The following SMIM31 variants were observed in gnomAD, a reference collection of about 807,000 sequenced individuals.
SMIM31 encodes human epithelial cell program regulator.
chr4:164,779,905 T>C (rs1238157280), intron 2 of SMIM31, among the ~76,000 whole-genome samples: 2 of 152,174 alleles, frequency 1.3e-5, no homozygotes, highest in African/African-American at 2.4e-5. Context: ...TTTTTTGGCA[T>C]GTCTTAGAAG....
intron 2 of SMIM31, among the ~76,000 whole-genome samples, chr4:164,770,905 C>T (rs1732792300): frequency 1.3e-5 from 2 of 152,098 alleles, no homozygotes; most frequent in Non-Finnish European, 2.9e-5. Flanking sequence ...ATGGTTACCA[C>T]ATGGTAACCA....
intron 1 of SMIM31, among the ~76,000 whole-genome samples, chr4:164,755,780 A>G (rs1732553614): frequency 1.3e-5 from 2 of 152,088 alleles, no homozygotes; most frequent in South Asian, 4.1e-4. Context: ...TAGCAATTAC[A>G]TCATCAACAA....
At chr4:164,761,051 T>C (rs189786501) in intron 1 of SMIM31, among the ~76,000 whole-genome samples, 2 of 152,212 alleles carry the variant, frequency 1.3e-5, no homozygotes, top group Admixed American at 6.5e-5. Flanking sequence ...CAATTGCCCA[T>C]CTATGATAAA....
At chr4:164,774,306 C>A (rs907104599) in intron 2 of SMIM31, among the ~76,000 whole-genome samples, 6 of 151,982 alleles carry the variant, frequency 3.9e-5, no homozygotes, top group Non-Finnish European at 8.8e-5. Flanking sequence ...CCACACAAAT[C>A]AATTGCAAGG....
chr4:164,799,077 A>G (rs1391974860), intron 2 of SMIM31, among the ~76,000 whole-genome samples: 1 of 151,774 alleles, frequency 6.6e-6, no homozygotes, highest in East Asian at 1.9e-4. Flanking sequence ...AGCTACTTAA[A>G]CCTCTTTTCT....
At chr4:164,780,679 A>G (rs1286495332) in intron 2 of SMIM31, among the ~76,000 whole-genome samples, 1 of 152,236 alleles carries the variant, frequency 6.6e-6, no homozygotes, top group Non-Finnish European at 1.5e-5. Flanking sequence ...ACTATTTTTG[A>G]AATCTCAGAA....
intron 2 of SMIM31, among the ~76,000 whole-genome samples, chr4:164,772,585 A>ATTT (rs755302201): frequency 3.0e-4 from 43 of 142,768 alleles, no homozygotes; most frequent in South Asian, 1.8e-3. Flanking sequence ...TTTTTATTTT[A>ATTT]TTTTTTTTTT....
At position 164,800,777 on chromosome 4, in the gene SMIM31, A is replaced by G. The variant is rs61488761; in HGVS notation, c.113-314A>G. Among the ~76,000 whole-genome samples the G allele has an allele frequency of 2.6e-5, 4 of 152,284 alleles. No homozygotes were observed. In the East Asian group the frequency reaches 7.7e-4, roughly 29 times the overall value. On this transcript the variant is annotated intron_variant, in intron 2 of 2. Coordinates refer to ENST00000507311, the MANE Select transcript of SMIM31 (RefSeq NM_001352885.1). ...TGCCATTAATTTTAACATCAATCTTAGTGCTCTTTCTGCTCATCATCTTAA... is the reference window on the plus strand; with the variant it reads ...TGCCATTAATTTTAACATCAATCTTGGTGCTCTTTCTGCTCATCATCTTAA...
chr4:164,771,428 A>G (rs912557232), intron 2 of SMIM31, among the ~76,000 whole-genome samples: 1 of 152,306 alleles, frequency 6.6e-6, no homozygotes, highest in East Asian at 1.9e-4. Flanking sequence ...TAGTGAGTTC[A>G]AGGCTGACGT....
intron 2 of SMIM31, among the ~76,000 whole-genome samples, chr4:164,780,299 T>TGA (rs1732931710): frequency 6.6e-6 from 1 of 152,022 alleles, no homozygotes; most frequent in African/African-American, 2.4e-5. Context: ...TGGTGGCGCA[T>TGA]GCCTGTAGTC....
At chr4:164,758,622 C>CTTTTTTTTTTTTTTTTTTT (rs779023276) in intron 1 of SMIM31, among the ~76,000 whole-genome samples, 1 of 105,390 alleles carries the variant, frequency 9.5e-6, no homozygotes, top group Non-Finnish European at 1.9e-5. Flanking sequence ...TGTAGTTTTC[C>CTTTTTTTTTTTTTTTTTTT]TTTTTTTGTT....
intron 1 of SMIM31, among the ~76,000 whole-genome samples, chr4:164,756,439 GT>G (rs1732562094): frequency 6.6e-6 from 1 of 151,912 alleles, no homozygotes; most frequent in Admixed American, 6.6e-5. Context: ...AGGTGTGGTG[GT>G]GGGCGCCTGT....
intron 2 of SMIM31, among the ~76,000 whole-genome samples, chr4:164,782,744 T>C (rs1160778181): frequency 6.7e-6 from 1 of 148,674 alleles, no homozygotes. Context: ...AATAAATTAA[T>C]ATAGAAATGA....
chr4:164,788,917 A>G (rs1733064917), intron 2 of SMIM31, among the ~76,000 whole-genome samples: 1 of 152,232 alleles, frequency 6.6e-6, no homozygotes, highest in Non-Finnish European at 1.5e-5. Flanking sequence ...ATTTCAGTAT[A>G]TAATTTATCA....
intron 1 of SMIM31, among the ~76,000 whole-genome samples, chr4:164,762,300 C>T (rs4593086): frequency 0.6 from 91,746 of 152,056 alleles, 27,891 homozygotes; most frequent in Admixed American, 0.65. Context: ...CTAACATCAA[C>T]AGAAAGTCAA....
intron 2 of SMIM31, among the ~76,000 whole-genome samples, chr4:164,789,787 T>C (rs1002072999): frequency 3.3e-5 from 5 of 152,204 alleles, no homozygotes; most frequent in African/African-American, 1.2e-4. Context: ...TGAGAATAAG[T>C]TCTGTTTCAT....
chr4:164,792,059 A>G (rs1042427857), intron 2 of SMIM31, among the ~76,000 whole-genome samples: 11 of 152,224 alleles, frequency 7.2e-5, no homozygotes, highest in Admixed American at 2.6e-4. Flanking sequence ...TTCATTAATC[A>G]GTGCGTCTCA....
chr4:164,772,585 A>G (rs922425196), intron 2 of SMIM31, among the ~76,000 whole-genome samples: 1 of 142,698 alleles, frequency 7.0e-6, no homozygotes, highest in Non-Finnish European at 1.5e-5. Flanking sequence ...TTTTTATTTT[A>G]TTTTTTTTTT....
rs1026349099 is a variant in SMIM31 at position 164,802,971 on chromosome 4, C to T, written c.*1777C>T. ...GGGCAAAGTACTTAATTTCTCTGAG[C>T]CTTGGTGTTCTCTCTGAAAAAATGA... On this transcript the variant is annotated 3_prime_UTR_variant, in exon 3 of 3. Transcript: ENST00000507311. 6.6e-6 allele frequency: 1 copy of T among 152,052 alleles called. No individual in the cohort carries two copies. Among genetic ancestry groups the T allele is most frequent in the Non-Finnish European group, 1.5e-5 (1 of 68,022 alleles). 9.4% of individuals were successfully genotyped at this position (152,052 alleles called of 1,614,324 possible).
Sources: allele counts gnomAD v4.1 joint callset (sites outside exome capture counted in the v4.1 genomes callset), GRCh38; gene constraint gnomAD v4.1.1; transcripts MANE v1.5; gene names NCBI Gene and HGNC (gene_info 2026-07-23, HGNC 2026-07-21).